Variants in C2orf76 observed in about 807,000 individuals in gnomAD.
C2orf76 encodes the protein UPF0538 protein C2orf76.
A neutral mutation model predicts 16.9 loss-of-function variants in C2orf76; 23 were observed. The observed-to-expected ratio is 1.36, with a 90% CI of 0.98 to 1.93. C2orf76 has a LOEUF of 1.93. C2orf76 is among the 30% of genes most tolerant of loss of function. The pLI, the probability that C2orf76 is intolerant of heterozygous loss-of-function variation, is 0.00. For synonymous variants in C2orf76, 48 were observed against 52.3 expected (o/e 0.92, Z 0.35); for missense variants, 152 against 152.6 (o/e 1.00, Z 0.02).
intron 2 of C2orf76, among the ~76,000 whole-genome samples, chr2:119,337,299 G>A (rs1483285446): frequency 1.3e-5 from 2 of 151,530 alleles, no homozygotes; most frequent in Non-Finnish European, 1.5e-5. Context: ...TCAAGCTCCT[G>A]GGCTCAAGTG....
At chr2:119,336,624 T>C (rs991701254) in intron 2 of C2orf76, among the ~76,000 whole-genome samples, 2 of 151,658 alleles carry the variant, frequency 1.3e-5, no homozygotes, top group African/African-American at 4.8e-5. Flanking sequence ...TGGCAAAACA[T>C]GACTACGAAA....
chr2:119,299,370 T>C (rs1678582831), downstream of C2orf76, among the ~76,000 whole-genome samples: 1 of 152,274 alleles, frequency 6.6e-6, no homozygotes, highest in South Asian at 2.1e-4. Flanking sequence ...CCTTTTGGCA[T>C]CTATTGAGAT....
chr2:119,283,804 T>G, the C2orf76 span, among the ~76,000 whole-genome samples: 1 of 151,974 alleles, frequency 6.6e-6, no homozygotes, highest in Non-Finnish European at 1.5e-5. Context: ...GACCCAAACT[T>G]GAGGATTTTT....
chr2:119,312,431 G>T (rs570204953), intron 4 of C2orf76, among the ~76,000 whole-genome samples: 12 of 151,992 alleles, frequency 7.9e-5, no homozygotes, highest in South Asian at 6.2e-4. Flanking sequence ...TTTATTTTTA[G>T]TAGAGACGGG....
At chr2:119,297,846 G>T (rs574336692), downstream of C2orf76, among the ~76,000 whole-genome samples, 1 of 152,282 alleles carries the variant, frequency 6.6e-6, no homozygotes, top group Non-Finnish European at 1.5e-5. Context: ...ACATGAAAAA[G>T]CTCAGAAACT....
chr2:119,308,126 CT>C (rs368181299), intron 5 of C2orf76, among the ~76,000 whole-genome samples: 1 of 152,140 alleles, frequency 6.6e-6, no homozygotes, highest in African/African-American at 2.4e-5. Flanking sequence ...TGGGTTTATA[CT>C]TTTAAAAAAA....
intron 2 of C2orf76, among the ~76,000 whole-genome samples, chr2:119,327,574 C>T (rs889785089): frequency 3.9e-5 from 6 of 152,058 alleles, no homozygotes; most frequent in Non-Finnish European, 8.8e-5. Context: ...TATTAGTTCA[C>T]GTGAGATCCG....
chr2:119,283,433 T>C, the C2orf76 span, among the ~76,000 whole-genome samples: 1 of 152,176 alleles, frequency 6.6e-6, no homozygotes, highest in Non-Finnish European at 1.5e-5. Flanking sequence ...CTTCCCCATA[T>C]CCATTTCTAT....
chr2:119,356,548 G>A (rs1286235982), intron 1 of C2orf76, among the ~76,000 whole-genome samples: 1 of 151,644 alleles, frequency 6.6e-6, no homozygotes, highest in Non-Finnish European at 1.5e-5. Flanking sequence ...TAAATTAAAT[G>A]AGAAAAAGTC....
Position 119,339,817 on chromosome 2 carries a change from C to T in C2orf76, c.133+10G>A. On this transcript the variant is annotated intron_variant, in intron 2 of 5. Coordinates refer to ENST00000334816, the MANE Select transcript of C2orf76 (RefSeq NM_001322331.2). ...TACTAGTAAAACAAAATGGCTTTCA[C>T]ATCTCATACCTTGCTTTAGAAATAC... 1 of 1,585,372 alleles carries T rather than the reference C, an allele frequency of 6.3e-7. No homozygotes were observed. Among genetic ancestry groups the T allele is most frequent in the Non-Finnish European group, 8.6e-7 (1 of 1,157,054 alleles).
At chr2:119,322,239 T>C (rs145157083) in intron 2 of C2orf76, among the ~76,000 whole-genome samples, 17 of 152,184 alleles carry the variant, frequency 1.1e-4, no homozygotes, top group Admixed American at 4.6e-4. Flanking sequence ...CAGGGTCTCA[T>C]TTTGCTGCCC....
intron 1 of C2orf76, among the ~76,000 whole-genome samples, chr2:119,361,729 A>C (rs923233677): frequency 2.0e-5 from 3 of 152,154 alleles, no homozygotes; most frequent in Non-Finnish European, 4.4e-5. Flanking sequence ...AAAAACATAT[A>C]TAGGGTTCAG....
the C2orf76 span, among the ~76,000 whole-genome samples, chr2:119,282,971 A>G: frequency 5.1e-3 from 772 of 152,240 alleles, 2 homozygotes; most frequent in Middle Eastern, 0.02. Context: ...CTCCTGAAAG[A>G]CGGATGTCCA....
At chr2:119,352,611 T>C (rs1354205181) in intron 1 of C2orf76, among the ~76,000 whole-genome samples, 1 of 152,224 alleles carries the variant, frequency 6.6e-6, no homozygotes, top group Admixed American at 6.5e-5. Flanking sequence ...TTTCTGTCTA[T>C]AAATACCACC....
chr2:119,360,288 G>A (rs910119812), intron 1 of C2orf76, among the ~76,000 whole-genome samples: 1 of 152,072 alleles, frequency 6.6e-6, no homozygotes, highest in Admixed American at 6.5e-5. Flanking sequence ...GACCAGCCTG[G>A]CCAACATGGT....
chr2:119,366,389 G>A (rs2104669541), intron 1 of C2orf76: 1 of 470,490 alleles, frequency 2.1e-6, no homozygotes, highest in Non-Finnish European at 4.4e-6. Flanking sequence ...ACATAAATGT[G>A]CAATACAGGC....
intron 1 of C2orf76, among the ~76,000 whole-genome samples, chr2:119,365,358 T>TA (rs1270284696): frequency 6.6e-6 from 1 of 152,236 alleles, no homozygotes; most frequent in African/African-American, 2.4e-5. Context: ...CTGCATTTCT[T>TA]ACACTTCAGT....
At chr2:119,323,274 C>T (rs1272028937) in intron 2 of C2orf76, among the ~76,000 whole-genome samples, 1 of 151,932 alleles carries the variant, frequency 6.6e-6, no homozygotes, top group Non-Finnish European at 1.5e-5. Flanking sequence ...TCTCACCTCG[C>T]CCCGAAAGTG....
intron 1 of C2orf76, among the ~76,000 whole-genome samples, chr2:119,340,755 T>TAC (rs60777590): frequency 0.13 from 18,343 of 140,062 alleles, 1,269 homozygotes; most frequent in Admixed American, 0.17. Context: ...TGCTTTCTAA[T>TAC]ACACACACAC....
Sources: allele counts gnomAD v4.1 joint callset (sites outside exome capture counted in the v4.1 genomes callset), GRCh38; gene constraint gnomAD v4.1.1; transcripts MANE v1.5; gene names NCBI Gene and HGNC (gene_info 2026-07-23, HGNC 2026-07-21).